UBAC2: variants seen among roughly 807,000 people sequenced by gnomAD.
UBAC2 encodes ubiquitin-associated domain-containing protein 2.
Under a neutral mutation model 44.0 loss-of-function variants are expected in UBAC2, and 26 were observed. That is an observed-to-expected ratio of 0.59 (90% CI 0.43 to 0.82). The LOEUF (loss-of-function observed/expected upper bound fraction) is 0.82, where lower values mean the gene tolerates loss of function less well. Ranked by LOEUF, UBAC2 falls within the 40% of genes least tolerant of loss-of-function variation. The pLI is 0.00. For missense variants in UBAC2, 329 were observed against 419.4 expected, an observed-to-expected ratio of 0.78 and a Z score of 1.88; for synonymous variants, 155 against 154.3, an observed-to-expected ratio of 1.00 and a Z score of -0.04.
chr13:99,322,467 C>A (rs952502521), intron 6 of UBAC2, among the ~76,000 whole-genome samples: 4 of 152,072 alleles, frequency 2.6e-5, no homozygotes, highest in Non-Finnish European at 5.9e-5. Context: ...ATAGAAAGAG[C>A]CTTCTTTTGC....
At chr13:99,225,914 G>T (rs902762506) in intron 1 of UBAC2, among the ~76,000 whole-genome samples, 3 of 152,172 alleles carry the variant, frequency 2.0e-5, no homozygotes, top group Non-Finnish European at 4.4e-5. Flanking sequence ...TAAAAATAAT[G>T]GTGTATCAGT....
chr13:99,303,890 A>C (rs2044292165), intron 4 of UBAC2, among the ~76,000 whole-genome samples: 2 of 152,200 alleles, frequency 1.3e-5, no homozygotes, highest in South Asian at 4.1e-4. Context: ...GAAGGCGCCC[A>C]GGACTCCGTG....
In UBAC2 at chr13:99,367,780, T is replaced by C; in HGVS notation, c.808-7T>C. ...TGTCTGATAACTGTGTGTTGATCTC[T>C]TTTTAGGGAGGAATGATCAATTGGA... On this transcript the variant is annotated splice_region_variant and splice_polypyrimidine_tract_variant and intron_variant, in intron 7 of 8. Transcript: ENST00000403766. The C allele has an allele frequency of 6.2e-7, 1 of 1,612,740 alleles. No individual in the cohort carries two copies. Among genetic ancestry groups the C allele is most frequent in the Non-Finnish European group, 8.5e-7 (1 of 1,179,426 alleles).
chr13:99,351,558 G>T (rs1160897437), intron 7 of UBAC2: 2 of 456,616 alleles, frequency 4.4e-6, no homozygotes, highest in African/African-American at 4.0e-5. Context: ...ACCTGGAAAT[G>T]TGAATTCTCT....
chr13:99,204,446 C>T (rs561971557), intron 1 of UBAC2, among the ~76,000 whole-genome samples: 3 of 151,912 alleles, frequency 2.0e-5, no homozygotes, highest in African/African-American at 7.3e-5. Flanking sequence ...GTGAGCAGTT[C>T]GTAAGAGATG....
intron 6 of UBAC2, among the ~76,000 whole-genome samples, chr13:99,325,305 G>A (rs762449119): frequency 9.9e-5 from 15 of 151,988 alleles, no homozygotes; most frequent in Admixed American, 3.3e-4. Flanking sequence ...GGGTTTCACC[G>A]TGTTAGGCAG....
At chr13:99,360,163 G>A (rs1162094144) in intron 7 of UBAC2, among the ~76,000 whole-genome samples, 1 of 152,206 alleles carries the variant, frequency 6.6e-6, no homozygotes, top group Non-Finnish European at 1.5e-5. Flanking sequence ...TGAGCTGAGA[G>A]TGGTACTGGC....
intron 7 of UBAC2, among the ~76,000 whole-genome samples, chr13:99,341,641 C>T (rs2044890622): frequency 6.6e-6 from 1 of 152,084 alleles, no homozygotes. Context: ...GGGATGAGAG[C>T]TGAGAGCCGA....
chr13:99,208,936 G>A (rs1028594406), intron 1 of UBAC2, among the ~76,000 whole-genome samples: 3 of 152,202 alleles, frequency 2.0e-5, no homozygotes, highest in Non-Finnish European at 2.9e-5. Flanking sequence ...TTATTTTGGT[G>A]ACTCCTCAGC....
chr13:99,346,469 T>C (rs1456294359), intron 7 of UBAC2, among the ~76,000 whole-genome samples: 1 of 152,250 alleles, frequency 6.6e-6, no homozygotes, highest in Middle Eastern at 3.2e-3. Context: ...ATCTCCTTTC[T>C]GCTGCCGTGT....
intron 4 of UBAC2, among the ~76,000 whole-genome samples, chr13:99,254,343 A>G (rs1290703093): frequency 6.6e-6 from 1 of 152,196 alleles, no homozygotes; most frequent in Non-Finnish European, 1.5e-5. Context: ...TTTTTAAAAG[A>G]ATGAATTCAG....
intron 7 of UBAC2, 53 bp from the exon 8 acceptor site, chr13:99,367,734 A>T (rs2045349545): frequency 1.9e-6 from 3 of 1,612,242 alleles, no homozygotes; most frequent in Non-Finnish European, 1.7e-6. Flanking sequence ...TCCAAGCATT[A>T]TGATGATTCT....
At chr13:99,317,970 G>C in intron 5 of UBAC2, 52 bp from the exon 6 acceptor site, 2 of 1,440,372 alleles carry the variant, frequency 1.4e-6, no homozygotes, top group Admixed American at 3.6e-5. Flanking sequence ...TAAGTGTGCT[G>C]TGACTGGCAG....
At position 99,235,086 on chromosome 13, in the gene UBAC2, GTC is replaced by G. The variant is rs974877293; in HGVS notation, c.32-3336_32-3335del. ...TTAGTACAAGGCAGAGGTCACACTAGTCTCTCCTGGAAAACTGACCTGGGCTC... is the reference window on the plus strand; with the variant it reads ...TTAGTACAAGGCAGAGGTCACACTAGTCTCCTGGAAAACTGACCTGGGCTC... On this transcript the variant is annotated intron_variant, in intron 1 of 8. Transcript: ENST00000403766. Among the ~76,000 whole-genome samples the G allele has an allele frequency of 1.1e-4, 17 of 152,298 alleles. 1 individual carries two copies. The highest frequency in any genetic ancestry group is 3.9e-4 in the African/African-American group (16 of 41,556).
intron 4 of UBAC2, among the ~76,000 whole-genome samples, chr13:99,245,257 C>G (rs2043369309): frequency 6.6e-6 from 1 of 152,002 alleles, no homozygotes; most frequent in Non-Finnish European, 1.5e-5. Flanking sequence ...ATTTTATGAA[C>G]TAAACACAAA....
chr13:99,334,759 T>C (rs562603785), intron 6 of UBAC2, among the ~76,000 whole-genome samples: 7 of 152,106 alleles, frequency 4.6e-5, no homozygotes, highest in South Asian at 2.1e-4. Flanking sequence ...AGAAACCAAA[T>C]TGCAAAATCC....
intron 4 of UBAC2, among the ~76,000 whole-genome samples, chr13:99,266,248 T>C (rs2043742474): frequency 6.6e-6 from 1 of 151,966 alleles, no homozygotes; most frequent in African/African-American, 2.4e-5. Flanking sequence ...ATATAATAGA[T>C]ATGAATGTAT....
chr13:99,209,906 G>A (rs1048540252), intron 1 of UBAC2, among the ~76,000 whole-genome samples: 59 of 152,102 alleles, frequency 3.9e-4, no homozygotes, highest in Non-Finnish European at 3.2e-4. Flanking sequence ...CCCAGGAGGC[G>A]GAGGTTGCAG....
intron 1 of UBAC2, among the ~76,000 whole-genome samples, chr13:99,213,710 C>T (rs1471889478): frequency 2.0e-5 from 3 of 151,958 alleles, no homozygotes; most frequent in South Asian, 4.1e-4. Context: ...AGTATTTTCC[C>T]GTTAGAAACA....
Sources: allele counts gnomAD v4.1 joint callset (sites outside exome capture counted in the v4.1 genomes callset), GRCh38; gene constraint gnomAD v4.1.1; transcripts MANE v1.5; gene names NCBI Gene and HGNC (gene_info 2026-07-23, HGNC 2026-07-21).